The following SH3TC2 variants were observed in gnomAD, a reference collection of about 807,000 sequenced individuals.
SH3TC2 encodes the protein SH3 domain and tetratricopeptide repeat-containing protein 2.
A neutral mutation model predicts 124.5 loss-of-function variants in SH3TC2; 87 were observed. The observed-to-expected ratio is 0.70, with a 90% confidence interval of 0.59 to 0.84. The LOEUF (loss-of-function observed/expected upper bound fraction) is 0.84. Ranked by LOEUF, SH3TC2 falls within the 40% of genes least tolerant of loss-of-function variation. The pLI, the probability that SH3TC2 is intolerant of heterozygous loss-of-function variation, is 0.00. For synonymous variants in SH3TC2, 634 were observed against 628.5 expected (o/e 1.01, Z -0.13); for missense variants, 1,536 against 1,566.4 (o/e 0.98, Z 0.33).
In SH3TC2 at chr5:148,982,779, G is replaced by A. The variant is rs1753271469; in HGVS notation, c.*21932C>T. Among the ~76,000 whole-genome samples the A allele has an allele frequency of 1.3e-5, 2 of 152,138 alleles. No homozygotes were observed. The highest frequency in any genetic ancestry group is 2.1e-4 in the South Asian group (1 of 4,818). Reference sequence around the variant, plus strand: ...TGTGGCCTATGGTAGGGAAATGGGGGCATGCTATTCCTTGTTTAATTTTTC... The same window carrying A: ...TGTGGCCTATGGTAGGGAAATGGGGACATGCTATTCCTTGTTTAATTTTTC... On this transcript the variant is annotated 3_prime_UTR_variant, in exon 17 of 17. Coordinates refer to ENST00000515425, the MANE Select transcript of SH3TC2 (RefSeq NM_024577.4).
In SH3TC2 at chr5:149,042,711, C is replaced by T. The variant is rs17722293; in HGVS notation, c.512G>A (p.Gly171Glu). ...ACACTCACCTTCCTGTATCAGGAGT[C>T]CCAGGTATATTGTTTCCAGGTGTTT... ...DDKHLETIYL[G>E]LLIQEGHFFC... Residue 171 changes from glycine (G) to glutamate (E), a missense_variant, in exon 5 of 17, where the codon GGA becomes GAA. Gly to Glu is a moderately conservative substitution (Grantham distance 98, BLOSUM62 -2). Coordinates refer to ENST00000515425, the MANE Select transcript of SH3TC2 (RefSeq NM_024577.4). 42,139 of 1,614,060 alleles carry T rather than the reference C, an allele frequency of 0.026. 2,587 individuals are homozygous for T. Among genetic ancestry groups the T allele is most frequent in the Admixed American group, 0.24 (14,099 of 59,994 alleles).
intron 1 of SH3TC2, among the ~76,000 whole-genome samples, chr5:149,053,151 T>G (rs1376154417): frequency 6.6e-6 from 1 of 152,198 alleles, no homozygotes; most frequent in Non-Finnish European, 1.5e-5. Context: ...TTAATGTGCT[T>G]ATAAAATTGT....
At position 149,038,447 on chromosome 5, in the gene SH3TC2, T is replaced by C. The variant is rs2127400009; in HGVS notation, c.849A>G (p.Glu283=). Residue 283 remains glutamate, a synonymous_variant, in exon 8 of 17, where the codon GAA becomes GAG. Coordinates refer to ENST00000515425, the MANE Select transcript of SH3TC2 (RefSeq NM_024577.4). ...CCTGGTAGAAATTCAGTTCATCCTTTTCTCCTGGCTCATAACCCGTCAAGG... is the reference window on the plus strand; with the variant it reads ...CCTGGTAGAAATTCAGTTCATCCTTCTCTCCTGGCTCATAACCCGTCAAGG... The part of the protein sequence containing the change: ...CKALTGYEPG[E]KDELNFYQGE... 4 of 1,614,144 alleles carry C rather than the reference T, an allele frequency of 2.5e-6. No homozygotes were observed. The highest frequency in any genetic ancestry group is 3.4e-6 in the Non-Finnish European group (4 of 1,179,992).
intron 12 of SH3TC2, chr5:149,026,322 A>G (rs1754061972): frequency 5.4e-6 from 3 of 556,072 alleles, no homozygotes; most frequent in African/African-American, 3.8e-5. Context: ...CAATAACACT[A>G]TAAGATAGAT....
rs145413503 is a variant in SH3TC2 at position 149,026,649 on chromosome 5, C to T, written c.2976G>A (p.Gln992=). The change falls in exon 12 of 17, where the codon CAG becomes CAA. Residue 992 remains glutamine (Q), a synonymous_variant. Transcript: ENST00000515425. ...TYHEHWLALA[Q]QLRDREMEGR... ...CTTCCATCTCCCGGTCCCTGAGTTG[C>T]TGAGCCAGGGCCAGCCAGTGCTCAT... 6.2e-7 allele frequency: 1 copy of T among 1,614,226 alleles called. No homozygotes were observed. The highest frequency in any genetic ancestry group is 8.5e-7 in the Non-Finnish European group (1 of 1,180,038).
chr5:149,052,175 C>T lies in SH3TC2; in HGVS notation c.118G>A (p.Glu40Lys). The T allele has an allele frequency of 6.2e-7, 1 of 1,613,520 alleles. No homozygotes were observed. The highest frequency in any genetic ancestry group is 8.5e-7 in the Non-Finnish European group (1 of 1,179,522). The change falls in exon 2 of 17, where the codon GAA becomes AAA. Residue 40 changes from glutamate to lysine, a missense_variant. This residue lies in a region of SH3TC2 where 1,102 missense variants were observed against 1,098.6 expected (regional missense o/e 1.00). Coordinates refer to ENST00000515425, the MANE Select transcript of SH3TC2 (RefSeq NM_024577.4). Reference sequence around the variant, plus strand: ...ATGTTCTGTGGCAGAAAACATTTTTCCTTGTATTCAGATGAGGCTATACAC... The same window carrying T: ...ATGTTCTGTGGCAGAAAACATTTTTTCTTGTATTCAGATGAGGCTATACAC... ...SECIASSEYK[E>K]KCFLPQNINP...
chr5:149,047,896 T>C lies in SH3TC2; in HGVS notation c.245A>G (p.Glu82Gly). ...EAARRRLWALENEDQEVRMLF... is the reference protein window; with the variant it reads ...EAARRRLWALGNEDQEVRMLF... ...CATGCGCACCTCCTGGTCCTCATTC[T>C]CCAGTGCCCAGAGCCGCCTCCGAGC... The change falls in exon 3 of 17, where the codon GAG (glutamate) becomes GGG (glycine). Residue 82 changes from glutamate (E) to glycine (G), a missense_variant. By Grantham distance (98) the Glu-to-Gly change is moderately conservative (BLOSUM62 -2). Coordinates refer to ENST00000515425, the MANE Select transcript of SH3TC2 (RefSeq NM_024577.4). 1 of 1,614,132 alleles carries C rather than the reference T, an allele frequency of 6.2e-7. No homozygotes were observed. Among genetic ancestry groups the C allele is most frequent in the Non-Finnish European group, 8.5e-7 (1 of 1,180,002 alleles).
Position 148,990,140 on chromosome 5 carries a change from C to T in SH3TC2, c.*14571G>A, listed in dbSNP as rs1382386073. Among the ~76,000 whole-genome samples, 2 of 152,052 alleles carry T rather than the reference C, an allele frequency of 1.3e-5. No individual in the cohort carries two copies. The highest frequency in any genetic ancestry group is 2.9e-5 in the Non-Finnish European group (2 of 68,020). On this transcript the variant is annotated 3_prime_UTR_variant, in exon 17 of 17. Coordinates refer to ENST00000515425, the MANE Select transcript of SH3TC2 (RefSeq NM_024577.4). ...CCAAAGTAGGTTTCATGATGGTATG[C>T]TCTGGGTGCGCTAGGCTACTCTGTT...
At chr5:149,005,349 T>G (rs902254041) in intron 16 of SH3TC2, among the ~76,000 whole-genome samples, 2 of 152,088 alleles carry the variant, frequency 1.3e-5, no homozygotes, top group Non-Finnish European at 2.9e-5. Flanking sequence ...CAAAGCAAAG[T>G]AGAAACATAC....
chr5:149,014,634 C>T (rs945215936), intron 12 of SH3TC2, among the ~76,000 whole-genome samples: 4 of 152,194 alleles, frequency 2.6e-5, no homozygotes, highest in African/African-American at 9.7e-5. Flanking sequence ...TATTGACATC[C>T]CAATGGGCGC....
rs552945855 is a variant in SH3TC2 at position 148,990,018 on chromosome 5, C to T, written c.*14693G>A. 6.6e-6 allele frequency among the ~76,000 whole-genome samples: 1 copy of T among 152,142 alleles called. No individual in the cohort carries two copies. The highest frequency in any genetic ancestry group is 1.9e-4 in the East Asian group (1 of 5,172). On this transcript the variant is annotated 3_prime_UTR_variant, in exon 17 of 17. Transcript: ENST00000515425. The stretch of plus-strand genomic sequence containing the variant: ...CTGCTTCTTTTCTAGGAGTCATTTC[C>T]AAGCAACCTCTCCTCTCACTCAAAA...
At position 149,031,702 on chromosome 5, in the gene SH3TC2, A is replaced by G; in HGVS notation, c.1002-15T>C. The stretch of plus-strand genomic sequence containing the variant: ...AGTTCCTGCTCCTGCATCGGGGCAA[A>G]AAACACAGAGACAGATTACTGCAAG... On this transcript the variant is annotated splice_polypyrimidine_tract_variant and intron_variant, in intron 8 of 16. Coordinates refer to ENST00000515425, the MANE Select transcript of SH3TC2 (RefSeq NM_024577.4). The G allele has an allele frequency of 6.2e-7, 1 of 1,613,844 alleles. No homozygotes were observed. Among genetic ancestry groups the G allele is most frequent in the Non-Finnish European group, 8.5e-7 (1 of 1,180,012 alleles).
In SH3TC2 at chr5:149,027,205, C is replaced by T. The variant is rs1394562463; in HGVS notation, c.2527G>A (p.Gly843Arg). 1 of 1,614,096 alleles carries T rather than the reference C, an allele frequency of 6.2e-7. No individual in the cohort carries two copies. The highest frequency in any genetic ancestry group is 8.5e-7 in the Non-Finnish European group (1 of 1,180,056). Residue 843 changes from glycine to arginine, a missense_variant, in exon 11 of 17, where the codon GGA becomes AGA. Gly to Arg is a moderately radical substitution (Grantham distance 125). Coordinates refer to ENST00000515425, the MANE Select transcript of SH3TC2 (RefSeq NM_024577.4). ...CGGCCTTCACCTTGGAGTGCAAGTC[C>T]CAGGAGGTTATAGATGACTCCCCTT... is the stretch of plus-strand genomic sequence containing the variant. ...TQRGVIYNLL[G>R]LALQGEGRVN...
chr5:149,062,856 C>T (rs945899512), intron 1 of SH3TC2, 115 bp downstream of exon 1: 1 of 1,014,788 alleles, frequency 9.9e-7, no homozygotes, highest in African/African-American at 1.6e-5. Flanking sequence ...CCAGAAAGCA[C>T]AATCATCTCC....
chr5:149,051,376 C>T (rs1754554149), intron 2 of SH3TC2, among the ~76,000 whole-genome samples: 1 of 152,218 alleles, frequency 6.6e-6, no homozygotes, highest in African/African-American at 2.4e-5. Flanking sequence ...GAACCTACTA[C>T]ATATAAAGTA....
At position 149,040,581 on chromosome 5, in the gene SH3TC2, C is replaced by T. The variant is rs200126095; in HGVS notation, c.805+23G>A. On this transcript the variant is annotated intron_variant, in intron 7 of 16. Transcript: ENST00000515425. ...GGACAACATTATCTCCCTAACAATA[C>T]TATGTTTTTGACTCAGCCATACCAA... is the stretch of plus-strand genomic sequence containing the variant. The T allele has an allele frequency of 2.6e-5, 42 of 1,602,488 alleles. No individual in the cohort carries two copies. In the East Asian group the frequency reaches 8.5e-4, roughly 32 times the overall value.
chr5:149,023,481 AT>A (rs1486606464), intron 12 of SH3TC2, among the ~76,000 whole-genome samples: 4 of 151,744 alleles, frequency 2.6e-5, no homozygotes, highest in African/African-American at 9.7e-5. Context: ...CTTGATGGGT[AT>A]TTAAAAATCT....
intron 1 of SH3TC2, among the ~76,000 whole-genome samples, chr5:149,059,700 T>C (rs1292612415): frequency 1.3e-5 from 2 of 151,724 alleles, no homozygotes; most frequent in Non-Finnish European, 2.9e-5. Flanking sequence ...TTTTAAAGTC[T>C]GCAAAACAAT....
At chr5:149,013,843 G>A (rs566117853) in intron 12 of SH3TC2, among the ~76,000 whole-genome samples, 22 of 152,318 alleles carry the variant, frequency 1.4e-4, no homozygotes, top group Middle Eastern at 3.4e-3. Flanking sequence ...TCACCTGGAA[G>A]CATTTTAAAC....
Sources: gnomAD v4.1 joint callset for allele counts (sites outside exome capture counted in the v4.1 genomes callset) on GRCh38, gnomAD v4.1.1 for gene constraint, gnomAD v4.1.1 regional missense constraint, MANE v1.5 for transcripts, NCBI Gene and HGNC (gene_info 2026-07-23, HGNC 2026-07-21) for gene names.